GRID1: variants seen among roughly 807,000 people sequenced by gnomAD.
GRID1 encodes glutamate ionotropic receptor delta type subunit 1.
In GRID1, 28 loss-of-function variants were observed where a neutral mutation model predicts 98.0. The observed-to-expected ratio is 0.29, with a 90% CI of 0.21 to 0.39. The LOEUF (loss-of-function observed/expected upper bound fraction) is 0.39, where lower values mean the gene tolerates loss of function less well. Among genes scored for constraint, GRID1 ranks in the 10% least tolerant of loss-of-function variants. The pLI, the probability that GRID1 is intolerant of heterozygous loss-of-function variation, is 1.00. For synonymous variants in GRID1, 553 were observed against 538.5 expected (o/e 1.03, Z -0.37); for missense variants, 1,111 against 1,340.5 (o/e 0.83, Z 2.67).
intron 4 of GRID1, among the ~76,000 whole-genome samples, chr10:86,025,468 G>C (rs1589341341): frequency 2.6e-5 from 4 of 152,168 alleles, no homozygotes; most frequent in Admixed American, 2.6e-4. Flanking sequence ...CCCCCTTGTA[G>C]CTTTCCTACG....
chr10:85,681,070 T>G (rs1387968773), intron 12 of GRID1, among the ~76,000 whole-genome samples: 2 of 152,196 alleles, frequency 1.3e-5, no homozygotes, highest in African/African-American at 4.8e-5. Flanking sequence ...AAACCCAGAC[T>G]TCGTCACTAC....
chr10:85,771,735 A>G (rs1405535050), intron 8 of GRID1, among the ~76,000 whole-genome samples: 1 of 152,268 alleles, frequency 6.6e-6, no homozygotes, highest in African/African-American at 2.4e-5. Flanking sequence ...CGGCCATTAC[A>G]TAATGGTAAA....
At chr10:85,970,683 C>G (rs964882853) in intron 4 of GRID1, among the ~76,000 whole-genome samples, 1 of 151,974 alleles carries the variant, frequency 6.6e-6, no homozygotes, top group African/African-American at 2.4e-5. Flanking sequence ...CTCCTTCAAC[C>G]TGATAAAGGA....
rs1239938627 is a variant in GRID1 at position 85,666,152 on chromosome 10, T to C, written c.1998-18755A>G. On this transcript the variant is annotated intron_variant, in intron 12 of 15. Coordinates refer to ENST00000327946, the MANE Select transcript of GRID1 (RefSeq NM_017551.3). ...GCTAATATGAAATGAATATTTATTA[T>C]GCACTAAATTTCCAGACTATACTGA... Among the ~76,000 whole-genome samples the C allele has an allele frequency of 2.6e-5, 4 of 152,368 alleles. No homozygotes were observed. The East Asian group carries it at 7.7e-4, about 29-fold the overall frequency.
Position 86,366,334 on chromosome 10 carries a change from G to T in GRID1, c.59C>A (p.Ala20Asp). ...CTTACCGATGTGGATGATGGAGTCG[G>T]CCCGCACCGACACGCACTGGCATAT... ...PWICQCVSVR[A>D]DSIIHIGAIF... Residue 20 changes from alanine (A) to aspartate (D), a missense_variant, in exon 1 of 16, where the codon GCC (alanine) becomes GAC (aspartate). Physicochemically the swap from Ala to Asp is moderately radical, Grantham distance 126. This residue lies in a region of GRID1 where 346 missense variants were observed against 452.3 expected (regional missense o/e 0.76). Coordinates refer to ENST00000327946, the MANE Select transcript of GRID1 (RefSeq NM_017551.3). This position sits in a 1 kb window ranked among gnomAD's most constrained non-coding sequence, Gnocchi z 4.1. 6.6e-7 allele frequency: 1 copy of T among 1,514,024 alleles called. No individual in the cohort carries two copies. The highest frequency in any genetic ancestry group is 1.2e-5 in the South Asian group (1 of 81,486). 93.8% of individuals were successfully genotyped at this position (1,514,024 alleles called of 1,614,324 possible). A position where few individuals can be genotyped will look rare whatever the true frequency, so the allele number is the denominator to read the frequency against.
intron 4 of GRID1, among the ~76,000 whole-genome samples, chr10:86,122,789 T>C (rs1188347819): frequency 1.3e-5 from 2 of 152,238 alleles, no homozygotes; most frequent in African/African-American, 4.8e-5. Flanking sequence ...GGACCACAGC[T>C]GCTACCTCTG....
intron 2 of GRID1, among the ~76,000 whole-genome samples, chr10:86,349,168 G>A (rs975285250): frequency 3.3e-5 from 5 of 152,144 alleles, no homozygotes; most frequent in African/African-American, 7.2e-5. Context: ...TCCCCTTCCC[G>A]GCCAGGGACC....
At chr10:85,810,127 C>G (rs921420713) in intron 8 of GRID1, among the ~76,000 whole-genome samples, 6 of 146,908 alleles carry the variant, frequency 4.1e-5, no homozygotes, top group African/African-American at 1.3e-4. Context: ...ACCATCTTTC[C>G]ACCCACATGG....
At position 85,724,575 on chromosome 10, in the gene GRID1, A is replaced by T. The variant is rs1167883045; in HGVS notation, c.1635T>A (p.Ile545=). 2.5e-6 allele frequency: 4 copies of T among 1,613,446 alleles called. No individual in the cohort carries two copies. In the African/African-American group the frequency reaches 5.3e-5, roughly 22 times the overall value. The part of the protein sequence containing the change: ...RYMDYSVGIL[I]KKPEEKISIF... ...TGCTGATTTTCTCCTCGGGCTTCTTAATTAGAATCCCCACTGAATAGTCCA... is the reference window on the plus strand; with the variant it reads ...TGCTGATTTTCTCCTCGGGCTTCTTTATTAGAATCCCCACTGAATAGTCCA... Residue 545 remains isoleucine, a synonymous_variant, in exon 11 of 16, where the codon ATT becomes ATA. Transcript: ENST00000327946.
intron 12 of GRID1, among the ~76,000 whole-genome samples, chr10:85,720,492 A>G (rs1841688033): frequency 6.6e-6 from 1 of 152,166 alleles, no homozygotes; most frequent in Non-Finnish European, 1.5e-5. Flanking sequence ...ATAACAATGG[A>G]ACAGAATAGA....
chr10:86,305,501 C>T (rs935253540), intron 2 of GRID1, among the ~76,000 whole-genome samples: 2 of 152,232 alleles, frequency 1.3e-5, no homozygotes, highest in African/African-American at 2.4e-5. Flanking sequence ...ACTGCCTTCT[C>T]CTTGGTCCCT....
At chr10:85,706,984 T>C (rs573187135) in intron 12 of GRID1, among the ~76,000 whole-genome samples, 235 of 152,290 alleles carry the variant, frequency 1.5e-3, no homozygotes, top group Non-Finnish European at 2.7e-3. Context: ...AAGACTTAAA[T>C]GTTAGACCTA....
chr10:85,669,298 G>A (rs140956855), intron 12 of GRID1, among the ~76,000 whole-genome samples: 2 of 152,238 alleles, frequency 1.3e-5, no homozygotes, highest in South Asian at 2.1e-4. Flanking sequence ...GCCAGGCAAT[G>A]TGTAGAGCAC....
At chr10:85,895,957 G>C (rs2131812508) in intron 5 of GRID1, among the ~76,000 whole-genome samples, 1 of 151,984 alleles carries the variant, frequency 6.6e-6, no homozygotes, top group East Asian at 1.9e-4. Flanking sequence ...TGGACATGTT[G>C]TCACTCCCAC....
intron 4 of GRID1, among the ~76,000 whole-genome samples, chr10:86,040,655 G>A (rs556544776): frequency 6.6e-6 from 1 of 152,178 alleles, no homozygotes; most frequent in Admixed American, 6.5e-5. Context: ...TTAGATAGGA[G>A]GAATAAATTC....
intron 3 of GRID1, among the ~76,000 whole-genome samples, chr10:86,148,542 T>A (rs897495009): frequency 6.6e-6 from 1 of 152,192 alleles, no homozygotes; most frequent in African/African-American, 2.4e-5. Flanking sequence ...AGTGATCTAT[T>A]GTATAAATGT....
intron 12 of GRID1, among the ~76,000 whole-genome samples, chr10:85,662,757 G>T (rs745958429): frequency 6.6e-6 from 1 of 152,110 alleles, no homozygotes; most frequent in Non-Finnish European, 1.5e-5. Context: ...CCACCATGCC[G>T]CCATGAAAAG....
chr10:85,915,205 C>T (rs1317992738), intron 5 of GRID1, among the ~76,000 whole-genome samples: 2 of 152,078 alleles, frequency 1.3e-5, no homozygotes, highest in Non-Finnish European at 2.9e-5. Flanking sequence ...CACAAACATA[C>T]TTACACACAC....
intron 8 of GRID1, among the ~76,000 whole-genome samples, chr10:85,801,946 A>G (rs565499053): frequency 4.6e-5 from 7 of 152,194 alleles, no homozygotes; most frequent in Non-Finnish European, 1.0e-4. Context: ...CAAATATAAA[A>G]TCTCTCTATA....
Sources: gnomAD v4.1 joint callset for allele counts (sites outside exome capture counted in the v4.1 genomes callset) on GRCh38, gnomAD v4.1.1 for gene constraint, gnomAD v4.1.1 regional missense constraint, Gnocchi (gnomAD v3.1) non-coding constraint, MANE v1.5 for transcripts, NCBI Gene and HGNC (gene_info 2026-07-23, HGNC 2026-07-21) for gene names.